LUZP2: variants seen among roughly 807,000 people sequenced by gnomAD.
LUZP2 encodes leucine zipper protein 2.
A neutral mutation model predicts 51.6 loss-of-function variants in LUZP2; 52 were observed. The observed-to-expected ratio is 1.01, with a 90% CI of 0.81 to 1.27. LUZP2 has a LOEUF of 1.27. LUZP2 is among the 50% of genes most tolerant of loss of function. The pLI, the probability that LUZP2 is intolerant of heterozygous loss-of-function variation, is 0.00. For missense variants in LUZP2, 436 were observed against 395.4 expected (o/e 1.10, Z -0.87); for synonymous variants, 154 against 137.3 (o/e 1.12, Z -0.85).
rs113594744 is a variant in LUZP2 at position 24,673,367 on chromosome 11, A to G, written c.63-55802A>G. ...CCTATTTTTGATTTCATGAAGTCCA[A>G]TGTGGCTTCAGAAACCAGTCCATGT... is the stretch of plus-strand genomic sequence containing the variant. On this transcript the variant is annotated intron_variant, in intron 1 of 11. Transcript: ENST00000336930. Among the ~76,000 whole-genome samples, 779 of 152,264 alleles carry G rather than the reference A, an allele frequency of 5.1e-3. 2 individuals carry two copies. Among genetic ancestry groups the G allele is most frequent in the Non-Finnish European group, 9.0e-3 (615 of 68,034 alleles).
chr11:24,542,759 T>C (rs1025756712), intron 1 of LUZP2, among the ~76,000 whole-genome samples: 2 of 152,088 alleles, frequency 1.3e-5, no homozygotes, highest in Non-Finnish European at 2.9e-5. Context: ...TGTTCTTTTA[T>C]GCTTTTGAAT....
At chr11:24,741,945 AC>A (rs1859175940) in intron 4 of LUZP2, among the ~76,000 whole-genome samples, 2 of 132,730 alleles carry the variant, frequency 1.5e-5, no homozygotes, top group Non-Finnish European at 1.6e-5. Flanking sequence ...ATAAATATAT[AC>A]ATTTATATAT....
At chr11:24,728,427 A>G (rs1858576317) in intron 1 of LUZP2, among the ~76,000 whole-genome samples, 1 of 151,968 alleles carries the variant, frequency 6.6e-6, no homozygotes, top group Admixed American at 6.6e-5. Context: ...TGCTCTAGTT[A>G]GGCCAGCGTA....
intron 9 of LUZP2, among the ~76,000 whole-genome samples, chr11:25,044,251 G>GTATATA (rs1192643851): frequency 1.3e-4 from 15 of 117,640 alleles, no homozygotes; most frequent in South Asian, 8.2e-4. Context: ...GTGTGTGTGT[G>GTATATA]TGTGTGTATA....
chr11:24,923,566 G>T (rs144689312), intron 7 of LUZP2, among the ~76,000 whole-genome samples: 1 of 151,984 alleles, frequency 6.6e-6, no homozygotes, highest in African/African-American at 2.4e-5. Context: ...GCTTGGTGGC[G>T]CATGCCTGTA....
chr11:24,931,660 C>G (rs1161800354), intron 7 of LUZP2, among the ~76,000 whole-genome samples: 1 of 151,980 alleles, frequency 6.6e-6, no homozygotes, highest in Non-Finnish European at 1.5e-5. Context: ...TTTTAAATTT[C>G]TTTAAGTTGG....
Position 25,013,060 on chromosome 11 carries a change from C to T in LUZP2, c.765+29767C>T, listed in dbSNP as rs181941516. Among the ~76,000 whole-genome samples, 659 of 152,170 alleles carry T rather than the reference C, an allele frequency of 4.3e-3. 19 individuals are homozygous for T. Among genetic ancestry groups the T allele is most frequent in the Non-Finnish European group, 1.0e-3 (69 of 67,988 alleles). On this transcript the variant is annotated intron_variant, in intron 9 of 11. Coordinates refer to ENST00000336930, the MANE Select transcript of LUZP2 (RefSeq NM_001009909.4). Reference sequence around the variant, plus strand: ...ACAGGTATAAACAAAAATGAAATAACGTCATTTTCAGCAACATGGATGAAA... The same window carrying T: ...ACAGGTATAAACAAAAATGAAATAATGTCATTTTCAGCAACATGGATGAAA...
intron 1 of LUZP2, among the ~76,000 whole-genome samples, chr11:24,571,539 A>T (rs762956694): frequency 1.8e-4 from 28 of 152,076 alleles, no homozygotes; most frequent in Non-Finnish European, 3.7e-4. Flanking sequence ...AACAATTCTC[A>T]TATGTCATTT....
intron 1 of LUZP2, among the ~76,000 whole-genome samples, chr11:24,650,064 A>G (rs1205057889): frequency 1.3e-5 from 2 of 151,654 alleles, no homozygotes; most frequent in Non-Finnish European, 2.9e-5. Flanking sequence ...GTTCCAAGCT[A>G]TTAAGGCCTT....
chr11:24,782,997 A>G (rs1176404604), intron 5 of LUZP2, among the ~76,000 whole-genome samples: 2 of 151,988 alleles, frequency 1.3e-5, no homozygotes, highest in Admixed American at 6.6e-5. Context: ...GAGACTAGGG[A>G]ATGAATGAGG....
At chr11:24,979,402 C>G (rs960543573) in intron 8 of LUZP2, among the ~76,000 whole-genome samples, 9 of 151,742 alleles carry the variant, frequency 5.9e-5, no homozygotes, top group African/African-American at 2.2e-4. Flanking sequence ...ATAAAAACTA[C>G]AGTTTAATGA....
chr11:24,600,007 C>A (rs972677985), intron 1 of LUZP2, among the ~76,000 whole-genome samples: 1 of 152,010 alleles, frequency 6.6e-6, no homozygotes, highest in Non-Finnish European at 1.5e-5. Flanking sequence ...ATAAAATATT[C>A]TCCATAAAAG....
chr11:25,064,777 C>T (rs760428544), intron 10 of LUZP2, among the ~76,000 whole-genome samples: 7 of 151,952 alleles, frequency 4.6e-5, no homozygotes, highest in South Asian at 4.1e-4. Context: ...ATCCTAGGCA[C>T]GTCACTCAAG....
At chr11:24,645,291 G>A (rs870382) in intron 1 of LUZP2, among the ~76,000 whole-genome samples, 1 of 151,902 alleles carries the variant, frequency 6.6e-6, no homozygotes, top group African/African-American at 2.4e-5. Flanking sequence ...AAGAGGGAGA[G>A]AAAGAGAGTT....
At chr11:24,742,018 T>A (rs1859194733) in intron 4 of LUZP2, among the ~76,000 whole-genome samples, 1 of 123,930 alleles carries the variant, frequency 8.1e-6, no homozygotes, top group African/African-American at 3.9e-5. Context: ...ATAAATATAA[T>A]TATATATTTT....
intron 3 of LUZP2, among the ~76,000 whole-genome samples, chr11:24,736,087 C>A (rs1858925720): frequency 6.6e-6 from 1 of 151,938 alleles, no homozygotes; most frequent in Non-Finnish European, 1.5e-5. Context: ...TCAGAATTCT[C>A]TATCTTTTCC....
intron 1 of LUZP2, among the ~76,000 whole-genome samples, chr11:24,538,668 GTA>G (rs67113520): frequency 0.18 from 23,894 of 133,082 alleles, 2,072 homozygotes; most frequent in African/African-American, 0.25. Flanking sequence ...GTGTGTGTGT[GTA>G]TATATATATA....
At chr11:24,601,948 A>G (rs1404379513) in intron 1 of LUZP2, among the ~76,000 whole-genome samples, 1 of 126,802 alleles carries the variant, frequency 7.9e-6, no homozygotes, top group South Asian at 2.4e-4. Context: ...GTATATATGT[A>G]TAAATGTATA....
intron 1 of LUZP2, among the ~76,000 whole-genome samples, chr11:24,655,690 G>A (rs1011931440): frequency 2.6e-5 from 4 of 152,186 alleles, no homozygotes; most frequent in Non-Finnish European, 2.9e-5. Context: ...TCTGAAAAGC[G>A]GGAGGAAATT....
Sources: allele counts gnomAD v4.1 joint callset (sites outside exome capture counted in the v4.1 genomes callset), GRCh38; gene constraint gnomAD v4.1.1; transcripts MANE v1.5; gene names NCBI Gene and HGNC (gene_info 2026-07-23, HGNC 2026-07-21).